Variants in TMEM17 observed in about 807,000 individuals in gnomAD.
The protein encoded by TMEM17 is transmembrane protein 17.
In TMEM17, 15 loss-of-function variants were observed where a neutral mutation model predicts 19.1. That is an observed-to-expected ratio of 0.78 (90% CI 0.52 to 1.21). The LOEUF is 1.21. TMEM17 is among the 50% of genes most tolerant of loss of function. The pLI is 0.00. For synonymous variants in TMEM17, 103 were observed against 86.9 expected, an observed-to-expected ratio of 1.19 and a Z score of -1.03; for missense variants, 245 against 242.3, an observed-to-expected ratio of 1.01 and a Z score of -0.07.
the TMEM17 span, among the ~76,000 whole-genome samples, chr2:62,472,993 C>T: frequency 4.6e-5 from 7 of 152,180 alleles, no homozygotes; most frequent in Admixed American, 3.9e-4. Flanking sequence ...AGAGATTCTT[C>T]AGGAGGCCAG....
chr2:62,501,367 A>C lies in TMEM17; in HGVS notation c.439T>G (p.Phe147Val). ...ACTTGGAAAGCAAGGAAGAGAGTGAAGATGATATGTATCGCTTTTTCCAAG... is the reference window on the plus strand; with the variant it reads ...ACTTGGAAAGCAAGGAAGAGAGTGACGATGATATGTATCGCTTTTTCCAAG... ...LPLEKAIHII[F>V]TLFLAFQVVA... is the part of the protein sequence containing the mutation. The change falls in exon 4 of 4, where the codon TTC becomes GTC. Residue 147 changes from phenylalanine (F) to valine (V), a missense_variant. Phe to Val is a conservative substitution (Grantham distance 50). Transcript: ENST00000335390. 4 of 1,614,242 alleles carry C rather than the reference A, an allele frequency of 2.5e-6. No homozygotes were observed. The highest frequency in any genetic ancestry group is 3.4e-6 in the Non-Finnish European group (4 of 1,180,038).
At chr2:62,473,002 A>G in the TMEM17 span, among the ~76,000 whole-genome samples, 1 of 152,230 alleles carries the variant, frequency 6.6e-6, no homozygotes, top group Admixed American at 6.5e-5. Context: ...TCAGGAGGCC[A>G]GAACTGCCTC....
the TMEM17 span, among the ~76,000 whole-genome samples, chr2:62,468,205 C>T: frequency 1.3e-5 from 2 of 152,104 alleles, no homozygotes; most frequent in Admixed American, 1.3e-4. Context: ...ACAGAGGCAG[C>T]CAGCAGCCTT....
the TMEM17 span, among the ~76,000 whole-genome samples, chr2:62,458,085 CACTT>C: frequency 6.6e-6 from 1 of 152,180 alleles, no homozygotes; most frequent in Admixed American, 6.5e-5. Context: ...AGGCTAATGA[CACTT>C]ACTGCAGATG....
chr2:62,460,064 C>A, the TMEM17 span, among the ~76,000 whole-genome samples: 8 of 152,284 alleles, frequency 5.3e-5, no homozygotes, highest in East Asian at 1.3e-3. Context: ...GGGGCTCATG[C>A]CTGTTACTGT....
the TMEM17 span, among the ~76,000 whole-genome samples, chr2:62,476,142 C>T: frequency 6.6e-6 from 1 of 152,188 alleles, no homozygotes; most frequent in African/African-American, 2.4e-5. Flanking sequence ...AGCCCCTCAG[C>T]TCTTGGGGTG....
the TMEM17 span, among the ~76,000 whole-genome samples, chr2:62,462,569 T>A: frequency 6.6e-6 from 1 of 152,140 alleles, no homozygotes; most frequent in Non-Finnish European, 1.5e-5. Flanking sequence ...TACTCAGTAT[T>A]TGAATTATAG....
rs1221090305 is a variant in TMEM17 at position 62,506,175 on chromosome 2, G to A, written c.-46C>T. On this transcript the variant is annotated 5_prime_UTR_variant, in exon 1 of 4. Transcript: ENST00000335390. ...CACCCCCTCAGACACGGGCTAGTCTGCGGGCGCTCCGAGGCTCCGTGGTTC... is the reference window on the plus strand; with the variant it reads ...CACCCCCTCAGACACGGGCTAGTCTACGGGCGCTCCGAGGCTCCGTGGTTC... The A allele has an allele frequency of 6.6e-7, 1 of 1,519,312 alleles. No individual in the cohort carries two copies. The highest frequency in any genetic ancestry group is 8.9e-7 in the Non-Finnish European group (1 of 1,128,408). 94.1% of individuals were successfully genotyped at this position (1,519,312 alleles called of 1,614,324 possible).
chr2:62,480,157 A>AT, the TMEM17 span, among the ~76,000 whole-genome samples: 3 of 151,884 alleles, frequency 2.0e-5, no homozygotes, highest in African/African-American at 7.3e-5. Context: ...TTCCCTGATG[A>AT]TTAGTGACGT....
At chr2:62,485,972 TC>T in the TMEM17 span, among the ~76,000 whole-genome samples, 1 of 152,218 alleles carries the variant, frequency 6.6e-6, no homozygotes, top group African/African-American at 2.4e-5. Context: ...TGCTTTTTTT[TC>T]CCCCATTTCC....
the TMEM17 span, chr2:62,463,708 C>T: frequency 2.0e-5 from 3 of 152,288 alleles, no homozygotes; most frequent in East Asian, 3.9e-4. Context: ...AAACCCCACC[C>T]TCAAGCTGAA....
At chr2:62,486,098 G>A in the TMEM17 span, among the ~76,000 whole-genome samples, 6 of 152,252 alleles carry the variant, frequency 3.9e-5, no homozygotes, top group East Asian at 9.6e-4. Flanking sequence ...AAAAGAAATC[G>A]TTCCAGGAAT....
chr2:62,493,168 T>G, the TMEM17 span, among the ~76,000 whole-genome samples: 1 of 152,122 alleles, frequency 6.6e-6, no homozygotes, highest in Non-Finnish European at 1.5e-5. Flanking sequence ...TGGCTGGGAC[T>G]AGGGGCACAA....
intron 1 of TMEM17, 99 bp downstream of exon 1, chr2:62,505,931 G>T: frequency 3.5e-6 from 4 of 1,140,918 alleles, no homozygotes; most frequent in Admixed American, 2.2e-5. Context: ...GGCTGAAGGC[G>T]ACATCGCCAT....
the TMEM17 span, among the ~76,000 whole-genome samples, chr2:62,481,717 G>C: frequency 6.6e-6 from 1 of 151,754 alleles, no homozygotes; most frequent in Non-Finnish European, 1.5e-5. Context: ...GTGTGTGTGT[G>C]TGTGTGTGTG....
rs764344819 is a variant in TMEM17, at chr2:62,501,438, G to C, written c.368C>G (p.Pro123Arg). ...ATTAAAGAGCAAGAAAAGAATTAAAGGTAACTGCAATAGAAGGCTCAAAAG... is the reference window on the plus strand; with the variant it reads ...ATTAAAGAGCAAGAAAAGAATTAAACGTAACTGCAATAGAAGGCTCAAAAG... ...FWLLSLLLQL[P>R]LILFLLFNEG... Residue 123 changes from proline to arginine, a missense_variant, in exon 4 of 4, where the codon CCT becomes CGT. Coordinates refer to ENST00000335390, the MANE Select transcript of TMEM17 (RefSeq NM_198276.3). 1 of 1,614,142 alleles carries C rather than the reference G, an allele frequency of 6.2e-7. No homozygotes were observed. The highest frequency in any genetic ancestry group is 1.1e-5 in the South Asian group (1 of 91,072).
the TMEM17 span, among the ~76,000 whole-genome samples, chr2:62,457,861 A>T: frequency 6.6e-6 from 1 of 152,192 alleles, no homozygotes; most frequent in Non-Finnish European, 1.5e-5. The surrounding 1 kb of genome is among the most constrained non-coding windows in gnomAD (Gnocchi z 4.2). Context: ...AGGAACGGCT[A>T]TTCCACTGCA....
At chr2:62,457,770 G>T in the TMEM17 span, among the ~76,000 whole-genome samples, 1 of 152,270 alleles carries the variant, frequency 6.6e-6, no homozygotes, top group African/African-American at 2.4e-5. The surrounding 1 kb of genome is among the most constrained non-coding windows in gnomAD (Gnocchi z 4.2). Context: ...AACTGGGTGC[G>T]CTCTCACTTT....
rs1036163954 is a variant in TMEM17 at position 62,502,792 on chromosome 2, T to C, written c.103A>G (p.Asn35Asp). The change falls in exon 2 of 4, where the codon AAT becomes GAT. Residue 35 changes from asparagine (N) to aspartate (D), a missense_variant and splice_region_variant. Asn to Asp is a conservative substitution (Grantham distance 23). Transcript: ENST00000335390. ...TGPESNEGPE[N>D]EMVSSLALQM... is the part of the protein sequence containing the mutation. ...AGTGCCAAACTGGAGACCATTTCAT[T>C]TTCTACAGAAGGAACAGAAAAGGAA... is the stretch of plus-strand genomic sequence containing the variant. 6.3e-6 allele frequency: 10 copies of C among 1,591,654 alleles called. No individual in the cohort carries two copies. Among genetic ancestry groups the C allele is most frequent in the Non-Finnish European group, 7.7e-6 (9 of 1,168,224 alleles).
Sources: allele counts gnomAD v4.1 joint callset (sites outside exome capture counted in the v4.1 genomes callset), GRCh38; gene constraint gnomAD v4.1.1; non-coding constraint Gnocchi (gnomAD v3.1); transcripts MANE v1.5; gene names NCBI Gene and HGNC (gene_info 2026-07-23, HGNC 2026-07-21).